FHIT: variants seen among roughly 807,000 people sequenced by gnomAD.
The protein encoded by FHIT is fragile histidine triad diadenosine triphosphatase.
Under a neutral mutation model 17.9 loss-of-function variants are expected in FHIT, and 19 were observed. The ratio of observed to expected loss-of-function variants is 1.06; its 90% CI spans 0.74 to 1.56. FHIT has a LOEUF of 1.56. FHIT is among the 40% of genes most tolerant of loss of function. FHIT has a pLI of 0.00. For missense variants in FHIT, 248 were observed against 189.2 expected (o/e 1.31, Z -1.82); for synonymous variants, 81 against 69.7 (o/e 1.16, Z -0.81).
intron 7 of FHIT, among the ~76,000 whole-genome samples, chr3:59,936,520 G>C (rs1315002811): frequency 6.6e-6 from 1 of 152,010 alleles, no homozygotes; most frequent in Non-Finnish European, 1.5e-5. Context: ...ATAAACATTC[G>C]AGTGAAGCCT....
At chr3:60,172,101 A>AT (rs532022489) in intron 5 of FHIT, among the ~76,000 whole-genome samples, 45 of 152,328 alleles carry the variant, frequency 3.0e-4, no homozygotes, top group African/African-American at 1.1e-3. Flanking sequence ...AAACAAGCAC[A>AT]TAAGTTTCTT....
chr3:61,090,644 C>T (rs1421629157), intron 2 of FHIT, among the ~76,000 whole-genome samples: 1 of 151,976 alleles, frequency 6.6e-6, no homozygotes, highest in Non-Finnish European at 1.5e-5. Context: ...GCATGTGTGG[C>T]TGTGAATGTG....
chr3:60,006,653 TC>T (rs898713683), intron 7 of FHIT, among the ~76,000 whole-genome samples: 1 of 143,008 alleles, frequency 7.0e-6, no homozygotes, highest in Non-Finnish European at 1.6e-5. Flanking sequence ...GTTTCCGCAT[TC>T]AAAAAAAAAA....
At chr3:60,964,586 A>G (rs1403092473) in intron 3 of FHIT, among the ~76,000 whole-genome samples, 3 of 152,186 alleles carry the variant, frequency 2.0e-5, no homozygotes, top group African/African-American at 4.8e-5. Flanking sequence ...GTTCCTTTCC[A>G]TGTTTAATGC....
chr3:60,761,757 A>T (rs1575492188), intron 4 of FHIT, among the ~76,000 whole-genome samples: 1 of 152,088 alleles, frequency 6.6e-6, no homozygotes, highest in African/African-American at 2.4e-5. Flanking sequence ...GACATAATAA[A>T]TAATTCAAAC....
chr3:60,966,037 G>T (rs1709722866), intron 3 of FHIT, among the ~76,000 whole-genome samples: 1 of 152,166 alleles, frequency 6.6e-6, no homozygotes, highest in Admixed American at 6.5e-5. Context: ...GACCCTAGAG[G>T]TGGAGTCTAC....
chr3:61,065,413 T>C (rs1487400664), intron 2 of FHIT, among the ~76,000 whole-genome samples: 1 of 152,192 alleles, frequency 6.6e-6, no homozygotes, highest in Non-Finnish European at 1.5e-5. Context: ...TGTTTTTGCA[T>C]GTGAATTTCA....
At chr3:60,674,372 C>G (rs2040574772) in intron 4 of FHIT, among the ~76,000 whole-genome samples, 1 of 152,110 alleles carries the variant, frequency 6.6e-6, no homozygotes, top group Non-Finnish European at 1.5e-5. Flanking sequence ...TTTTCTAATT[C>G]TAATGTCTGA....
At chr3:60,808,573 C>A (rs1444837826) in intron 4 of FHIT, among the ~76,000 whole-genome samples, 2 of 152,106 alleles carry the variant, frequency 1.3e-5, no homozygotes, top group African/African-American at 4.8e-5. Flanking sequence ...TAGAATCAGA[C>A]AAAACCTCAC....
chr3:59,983,193 T>G (rs936824614), intron 7 of FHIT, among the ~76,000 whole-genome samples: 11 of 151,856 alleles, frequency 7.2e-5, no homozygotes, highest in Non-Finnish European at 1.6e-4. Context: ...CCCACCTCAG[T>G]CTCCCAAAGT....
Position 61,082,579 on chromosome 3 carries a change from G to A in FHIT, c.-163-40480C>T, listed in dbSNP as rs545924354. Among the ~76,000 whole-genome samples, 181 of 152,196 alleles carry A rather than the reference G, an allele frequency of 1.2e-3. 4 individuals carry two copies. The highest frequency in any genetic ancestry group is 2.4e-4 in the Non-Finnish European group (16 of 68,012). On this transcript the variant is annotated intron_variant, in intron 2 of 9. Coordinates refer to ENST00000492590, the MANE Select transcript of FHIT (RefSeq NM_002012.4). ...AGCGTATATCTAGTAGAAGTGAAAG[G>A]TCACAGGGCCTACAATTGTTTTTCA...
At chr3:61,126,355 C>T (rs1576063110) in intron 2 of FHIT, among the ~76,000 whole-genome samples, 2 of 152,080 alleles carry the variant, frequency 1.3e-5, no homozygotes, top group Non-Finnish European at 2.9e-5. Flanking sequence ...AAATGCCTGA[C>T]ACTGGGTAAT....
intron 3 of FHIT, among the ~76,000 whole-genome samples, chr3:60,980,497 C>A (rs2107551976): frequency 6.6e-6 from 1 of 152,294 alleles, no homozygotes; most frequent in South Asian, 2.1e-4. Context: ...TCACCTCACC[C>A]TCCCACCTAC....
intron 5 of FHIT, among the ~76,000 whole-genome samples, chr3:60,124,248 C>T (rs1181188479): frequency 6.6e-6 from 1 of 151,238 alleles, no homozygotes; most frequent in Non-Finnish European, 1.5e-5. Context: ...AATTTATGTA[C>T]CTCCTAGAGA....
At chr3:60,962,102 C>T (rs1709484033) in intron 3 of FHIT, among the ~76,000 whole-genome samples, 2 of 152,146 alleles carry the variant, frequency 1.3e-5, no homozygotes, top group African/African-American at 4.8e-5. Context: ...TCTTTTATTT[C>T]ATTGAGCAGT....
intron 5 of FHIT, among the ~76,000 whole-genome samples, chr3:60,476,659 C>G (rs1291511489): frequency 6.6e-6 from 1 of 152,058 alleles, no homozygotes; most frequent in Non-Finnish European, 1.5e-5. Context: ...AAGGCATGGT[C>G]AAAGTTCAAG....
rs1157024624 is a variant in FHIT at position 60,722,707 on chromosome 3, C to CTTTT, written c.-18+99208_-18+99211dup. Among the ~76,000 whole-genome samples, 64 of 104,942 alleles carry CTTTT rather than the reference C, an allele frequency of 6.1e-4. 2 individuals carry two copies. The highest frequency in any genetic ancestry group is 1.1e-3 in the African/African-American group (31 of 27,272). 68.8% of individuals were successfully genotyped at this position (104,942 alleles called of 152,430 possible). On this transcript the variant is annotated intron_variant, in intron 4 of 9. Coordinates refer to ENST00000492590, the MANE Select transcript of FHIT (RefSeq NM_002012.4). ...CTGGTTGAAAACTGTTACCTTAAAT[C>CTTTT]TTTTTTTTTTTTTTTTTTTTTTTTA...
intron 5 of FHIT, among the ~76,000 whole-genome samples, chr3:60,520,846 G>C (rs559768318): frequency 2.3e-4 from 35 of 152,122 alleles, no homozygotes; most frequent in African/African-American, 8.2e-4. Flanking sequence ...TCTAAGCCAT[G>C]AATGAACAGC....
intron 2 of FHIT, among the ~76,000 whole-genome samples, chr3:61,163,878 T>C (rs1371494528): frequency 6.6e-6 from 1 of 152,228 alleles, no homozygotes; most frequent in Non-Finnish European, 1.5e-5. Flanking sequence ...CTTTCTCTTA[T>C]TAATCTTTCT....
Sources: gnomAD v4.1 joint callset for allele counts (sites outside exome capture counted in the v4.1 genomes callset) on GRCh38, gnomAD v4.1.1 for gene constraint, MANE v1.5 for transcripts, NCBI Gene and HGNC (gene_info 2026-07-23, HGNC 2026-07-21) for gene names.